Variants in SKOR2 observed in about 807,000 individuals in gnomAD.
SKOR2 encodes LBX1 corepressor 1-like protein.
A neutral mutation model predicts 69.1 loss-of-function variants in SKOR2; 47 were observed. The observed-to-expected ratio is 0.68, with a 90% CI of 0.54 to 0.87. The LOEUF is 0.87. Among genes scored for constraint, SKOR2 ranks in the 40% least tolerant of loss-of-function variants. The pLI is 0.00. For synonymous variants in SKOR2, 717 were observed against 672.6 expected (o/e 1.07, Z -1.02); for missense variants, 1,404 against 1,472.2 (o/e 0.95, Z 0.76).
chr18:47,222,354 A>G (rs959660240), intron 6 of SKOR2, among the ~76,000 whole-genome samples: 4 of 152,100 alleles, frequency 2.6e-5, no homozygotes, highest in Admixed American at 2.6e-4. Flanking sequence ...TGACAAAATA[A>G]ATTGATTTGA....
chr18:47,218,871 T>A (rs1402732352), intron 7 of SKOR2, among the ~76,000 whole-genome samples: 1 of 152,200 alleles, frequency 6.6e-6, no homozygotes, highest in Non-Finnish European at 1.5e-5. Flanking sequence ...TTAAGCAGCA[T>A]CTTATGTAGT....
At chr18:47,231,166 T>C (rs2064196683) in intron 4 of SKOR2, 166 bp from the exon 5 acceptor site, 1 of 1,536,044 alleles carries the variant, frequency 6.5e-7, no homozygotes, top group Non-Finnish European at 8.7e-7. Context: ...ATAATCCTCC[T>C]GAAACACGGA....
chr18:47,242,757 T>A (rs1323507564), intron 4 of SKOR2, among the ~76,000 whole-genome samples: 1 of 152,150 alleles, frequency 6.6e-6, no homozygotes, highest in Non-Finnish European at 1.5e-5. Flanking sequence ...TGAACTTTAA[T>A]ATTACCAATA....
intron 4 of SKOR2, among the ~76,000 whole-genome samples, chr18:47,240,338 G>A (rs576021340): frequency 6.6e-6 from 1 of 152,096 alleles, no homozygotes. Context: ...CTTCACTAAA[G>A]TTATTCAAAA....
intron 1 of SKOR2, among the ~76,000 whole-genome samples, chr18:47,250,067 C>T (rs575985432): frequency 6.6e-6 from 1 of 152,334 alleles, no homozygotes; most frequent in South Asian, 2.1e-4. Context: ...GGGTGTTAAA[C>T]CCAGAAACAG....
intron 7 of SKOR2, among the ~76,000 whole-genome samples, chr18:47,215,836 G>GT (rs1197801049): frequency 1.3e-5 from 2 of 152,138 alleles, no homozygotes; most frequent in Non-Finnish European, 2.9e-5. Flanking sequence ...CATTTATCAT[G>GT]TGCTCTGTGT....
chr18:47,249,368 G>T, intron 1 of SKOR2, 138 bp from the exon 2 acceptor site: 2 of 819,608 alleles, frequency 2.4e-6, no homozygotes, highest in Non-Finnish European at 3.7e-6. Flanking sequence ...AAGTGACCAA[G>T]TTTTGAACAC....
chr18:47,209,487 G>T (rs1484880592), intron 8 of SKOR2, among the ~76,000 whole-genome samples: 1 of 152,150 alleles, frequency 6.6e-6, no homozygotes, highest in Non-Finnish European at 1.5e-5. Context: ...ATGATTCTCT[G>T]CTTGGCTGAT....
In SKOR2 at chr18:47,248,981, G is replaced by C; in HGVS notation, c.203C>G (p.Ser68Cys). Reference protein sequence around the residue: ...GQERLCLAQISNTLLKNFSYN... With the variant: ...GQERLCLAQICNTLLKNFSYN... ...GCTGAAGTTCTTGAGCAGAGTGTTG[G>C]AGATCTGCGCCAGGCACAGGCGCTC... The change falls in exon 2 of 9, where the codon TCC becomes TGC. Residue 68 changes from serine to cysteine, a missense_variant. By Grantham distance (112) the Ser-to-Cys change is moderately radical. Transcript: ENST00000425639. This position sits in a 1 kb window ranked among gnomAD's most constrained non-coding sequence, Gnocchi z 6.4. 6.4e-7 allele frequency: 1 copy of C among 1,567,364 alleles called. No individual in the cohort carries two copies. The highest frequency in any genetic ancestry group is 1.2e-5 in the South Asian group (1 of 86,502).
At chr18:47,215,545 T>C (rs974607673) in intron 7 of SKOR2, among the ~76,000 whole-genome samples, 1 of 152,138 alleles carries the variant, frequency 6.6e-6, no homozygotes, top group Non-Finnish European at 1.5e-5. Flanking sequence ...CTCTCACTCC[T>C]TTCCCTGTGA....
In SKOR2 at chr18:47,248,318, G is replaced by T; in HGVS notation, c.866C>A (p.Pro289Gln). Residue 289 changes from proline (P) to glutamine (Q), a missense_variant, in exon 2 of 9, where the codon CCG (proline) becomes CAG (glutamine). This residue lies in a region of SKOR2 where 1,266 missense variants were observed against 1,309.9 expected (regional missense o/e 0.97). Transcript: ENST00000425639. The surrounding 1 kb of genome is among the most constrained non-coding windows in gnomAD (Gnocchi z 6.4). Reference protein sequence around the residue: ...PHLLGAPPPPPPPPPPLAELA... With the variant: ...PHLLGAPPPPQPPPPPLAELA... ...CTCTGCCAAGGGCGGCGGTGGCGGC[G>T]GCGGCGGCGGGGGCGCACCCAGCAG... 8.3e-7 allele frequency: 1 copy of T among 1,201,400 alleles called. No homozygotes were observed. The highest frequency in any genetic ancestry group is 1.6e-5 in the African/African-American group (1 of 62,710). The allele number at this position is 1,201,400 out of a possible 1,614,324, so 74.4% of individuals were successfully genotyped here. A position where few individuals can be genotyped will look rare whatever the true frequency, so the allele number is the denominator to read the frequency against.
chr18:47,227,851 C>T (rs905262099), intron 6 of SKOR2, among the ~76,000 whole-genome samples: 1 of 152,152 alleles, frequency 6.6e-6, no homozygotes, highest in African/African-American at 2.4e-5. Flanking sequence ...GTCATACAAC[C>T]AGCAAGTAGC....
rs143385614 is a variant in SKOR2, at chr18:47,231,704, G to T, written c.2753-704C>A. 1.5e-3 allele frequency among the ~76,000 whole-genome samples: 225 copies of T among 152,096 alleles called. 1 individual carries two copies. Among genetic ancestry groups the T allele is most frequent in the African/African-American group, 5.1e-3 (210 of 41,484 alleles). ...ATGAAAAATACAAAATTAGCTGGGC[G>T]TGGTGGTGCATGCCTGTAATCCTAG... On this transcript the variant is annotated intron_variant, in intron 4 of 8. Transcript: ENST00000425639.
At chr18:47,228,984 C>T (rs57500706) in intron 6 of SKOR2, among the ~76,000 whole-genome samples, 2,094 of 152,300 alleles carry the variant, frequency 0.014, 42 homozygotes, top group African/African-American at 0.048. Flanking sequence ...TTTGCAGACC[C>T]TCCCATTCCT....
In SKOR2 at chr18:47,248,620, G is replaced by A. The variant is rs763438804; in HGVS notation, c.564C>T (p.Phe188=). The change falls in exon 2 of 9, where the codon TTC becomes TTT. Residue 188 remains phenylalanine (F), a synonymous_variant. Coordinates refer to ENST00000425639, the MANE Select transcript of SKOR2 (RefSeq NM_001278063.4). The surrounding 1 kb of genome is among the most constrained non-coding windows in gnomAD (Gnocchi z 6.4). ...NMYFSPNKFI[F]HSHRTPDAKY... is the part of the protein sequence containing the mutation. Reference sequence around the variant, plus strand: ...TGGCGTCGGGCGTGCGGTGGGAGTGGAAAATGAACTTGTTGGGCGAGAAGT... The same window carrying A: ...TGGCGTCGGGCGTGCGGTGGGAGTGAAAAATGAACTTGTTGGGCGAGAAGT... 13 of 1,550,584 alleles carry A rather than the reference G, an allele frequency of 8.4e-6. No homozygotes were observed. In the East Asian group the frequency reaches 2.9e-4, roughly 34 times the overall value.
At chr18:47,219,811 G>C (rs2064155486) in intron 7 of SKOR2, 132 bp downstream of exon 7, 1 of 707,116 alleles carries the variant, frequency 1.4e-6, no homozygotes, top group East Asian at 2.7e-5. Flanking sequence ...TTGGTAATTA[G>C]CATCTAAGCC....
intron 8 of SKOR2, among the ~76,000 whole-genome samples, chr18:47,207,745 T>A (rs1424718916): frequency 1.3e-5 from 2 of 152,210 alleles, no homozygotes; most frequent in African/African-American, 4.8e-5. Flanking sequence ...TATCCTTTTT[T>A]AAAAGACTCT....
At chr18:47,245,362 C>G in intron 3 of SKOR2, 136 bp downstream of exon 3, 1 of 809,896 alleles carries the variant, frequency 1.2e-6, no homozygotes, top group Non-Finnish European at 1.8e-6. Flanking sequence ...AAAACAAAAC[C>G]AAAAAAGAGC....
Position 47,247,831 on chromosome 18 carries a change from G to T in SKOR2, c.1353C>A (p.Ser451=). The change falls in exon 2 of 9, where the codon TCC becomes TCA. Residue 451 remains serine, a synonymous_variant. Coordinates refer to ENST00000425639, the MANE Select transcript of SKOR2 (RefSeq NM_001278063.4). This position sits in a 1 kb window ranked among gnomAD's most constrained non-coding sequence, Gnocchi z 6.6. ...TGCGGCCCGCGGGCCAGAAGAGGCC[G>T]GACAAGCCGGCCTTGGGCGCCGCGC... ...GAGAAPKAGL[S]GLFWPAGRKD... The T allele has an allele frequency of 1.4e-6, 2 of 1,381,856 alleles. No individual in the cohort carries two copies. Among genetic ancestry groups the T allele is most frequent in the Non-Finnish European group, 9.3e-7 (1 of 1,077,040 alleles). 85.6% of individuals were successfully genotyped at this position (1,381,856 alleles called of 1,614,324 possible).
Sources: allele counts gnomAD v4.1 joint callset (sites outside exome capture counted in the v4.1 genomes callset), GRCh38; gene constraint gnomAD v4.1.1; regional missense constraint gnomAD v4.1.1; non-coding constraint Gnocchi (gnomAD v3.1); transcripts MANE v1.5; gene names NCBI Gene and HGNC (gene_info 2026-07-23, HGNC 2026-07-21).